The following TMEM108 variants were observed in gnomAD, a reference collection of about 807,000 sequenced individuals.
TMEM108 encodes the protein cancer/testis antigen 124.
A neutral mutation model predicts 35.1 loss-of-function variants in TMEM108; 12 were observed. The observed-to-expected ratio is 0.34, with a 90% confidence interval of 0.22 to 0.55. The LOEUF (loss-of-function observed/expected upper bound fraction) is 0.55, where lower values mean the gene tolerates loss of function less well. TMEM108 is among the 20% of genes least tolerant of loss of function. The pLI is 0.89. For missense variants in TMEM108, 680 were observed against 753.3 expected (o/e 0.90, Z 1.14); for synonymous variants, 287 against 308.6 (o/e 0.93, Z 0.73).
At chr3:133,158,122 G>C (rs1401181998) in intron 2 of TMEM108, among the ~76,000 whole-genome samples, 1 of 152,026 alleles carries the variant, frequency 6.6e-6, no homozygotes, top group East Asian at 1.9e-4. Flanking sequence ...CAAAAAAACA[G>C]AGTTGGGTTC....
chr3:133,293,429 T>C (rs1947100618), intron 3 of TMEM108, among the ~76,000 whole-genome samples: 2 of 150,740 alleles, frequency 1.3e-5, no homozygotes, highest in African/African-American at 4.9e-5. Flanking sequence ...TATGTTAGGC[T>C]TGGGAATTAA....
intron 2 of TMEM108, among the ~76,000 whole-genome samples, chr3:133,120,525 G>A (rs1944339769): frequency 6.6e-6 from 1 of 152,142 alleles, no homozygotes; most frequent in Admixed American, 6.6e-5. Context: ...ATCCTCCTAT[G>A]GTTATTGCTT....
chr3:133,307,768 A>G (rs1029721002), intron 3 of TMEM108, among the ~76,000 whole-genome samples: 3 of 152,094 alleles, frequency 2.0e-5, no homozygotes, highest in Non-Finnish European at 2.9e-5. Flanking sequence ...TGTTTTGGTA[A>G]CTATAGCCTT....
At chr3:133,135,936 C>T (rs986929410) in intron 2 of TMEM108, among the ~76,000 whole-genome samples, 3 of 151,876 alleles carry the variant, frequency 2.0e-5, no homozygotes, top group Admixed American at 1.3e-4. Context: ...ACAAATGGTG[C>T]GTTGGTTTTA....
At position 133,213,041 on chromosome 3, in the gene TMEM108, T is replaced by A. The variant is rs145803350; in HGVS notation, c.-46-16225T>A. Among the ~76,000 whole-genome samples the A allele has an allele frequency of 7.9e-5, 12 of 152,266 alleles. 1 individual carries two copies. The East Asian group carries it at 1.9e-3, about 24-fold the overall frequency. The stretch of plus-strand genomic sequence containing the variant: ...ACCCAAACCCAGCCCTGTGGACACA[T>A]GCATTCATTTGTGACTTATGCTATA... On this transcript the variant is annotated intron_variant, in intron 2 of 5. Coordinates refer to ENST00000321871, the MANE Select transcript of TMEM108 (RefSeq NM_023943.4).
chr3:133,094,065 T>C (rs146270235), intron 2 of TMEM108, among the ~76,000 whole-genome samples: 33 of 152,258 alleles, frequency 2.2e-4, no homozygotes, highest in Non-Finnish European at 4.4e-4. Flanking sequence ...ATAGTAATAT[T>C]ATAGCCAAAG....
At position 133,378,970 on chromosome 3, in the gene TMEM108, G is replaced by A. The variant is rs183296759; in HGVS notation, c.41-782G>A. ...TTTGTAGAAGGCACCTTCTGTTCCA[G>A]GCTGTGCTAAGTGCTTTTATGGGCT... On this transcript the variant is annotated intron_variant, in intron 3 of 5. Coordinates refer to ENST00000321871, the MANE Select transcript of TMEM108 (RefSeq NM_023943.4). Among the ~76,000 whole-genome samples the A allele has an allele frequency of 3.3e-5, 5 of 152,236 alleles. No homozygotes were observed. The East Asian group carries it at 7.7e-4, about 24-fold the overall frequency.
intron 2 of TMEM108, among the ~76,000 whole-genome samples, chr3:133,067,424 C>T (rs190260420): frequency 1.3e-5 from 2 of 152,324 alleles, no homozygotes; most frequent in East Asian, 3.9e-4. Flanking sequence ...CCAGACCTTC[C>T]TTCACAACTT....
chr3:133,348,763 C>T (rs762457740), intron 3 of TMEM108, among the ~76,000 whole-genome samples: 24 of 152,116 alleles, frequency 1.6e-4, no homozygotes, highest in Non-Finnish European at 3.2e-4. Context: ...CCAAGAAATT[C>T]GGGAATGAGA....
chr3:133,331,302 G>A (rs2071390437), intron 3 of TMEM108, among the ~76,000 whole-genome samples: 1 of 152,138 alleles, frequency 6.6e-6, no homozygotes, highest in Non-Finnish European at 1.5e-5. Flanking sequence ...TGTCTTATTT[G>A]TAATGAAAAA....
chr3:133,267,286 A>G (rs1212879711), intron 3 of TMEM108, among the ~76,000 whole-genome samples: 1 of 152,166 alleles, frequency 6.6e-6, no homozygotes, highest in East Asian at 1.9e-4. Context: ...TGTCAGACAT[A>G]TAGATAATAA....
At chr3:133,087,958 G>T (rs6782366) in intron 2 of TMEM108, among the ~76,000 whole-genome samples, 36,214 of 152,100 alleles carry the variant, frequency 0.24, 4,489 homozygotes, top group East Asian at 0.31. Context: ...ACAGAGAGAT[G>T]CAGATGAATA....
At chr3:133,059,991 C>T (rs551415015) in intron 2 of TMEM108, among the ~76,000 whole-genome samples, 4 of 152,300 alleles carry the variant, frequency 2.6e-5, no homozygotes, top group South Asian at 4.1e-4. Context: ...TCCCTAAATA[C>T]GTTAGCATTT....
intron 3 of TMEM108, among the ~76,000 whole-genome samples, chr3:133,278,025 A>G (rs372513479): frequency 3.9e-4 from 59 of 152,332 alleles, no homozygotes; most frequent in African/African-American, 1.3e-3. Flanking sequence ...ATCACTTTGA[A>G]CAAAACTACG....
chr3:133,367,282 G>T (rs2072527336), intron 3 of TMEM108, among the ~76,000 whole-genome samples: 1 of 152,204 alleles, frequency 6.6e-6, no homozygotes. Flanking sequence ...CAAGTGCCTA[G>T]CACATAGTAG....
At chr3:133,239,506 G>A (rs956993618) in intron 3 of TMEM108, among the ~76,000 whole-genome samples, 14 of 152,138 alleles carry the variant, frequency 9.2e-5, no homozygotes, top group Admixed American at 3.9e-4. Flanking sequence ...TGGGGCTGGG[G>A]CATCCAGTGA....
At chr3:133,192,697 C>T (rs1178588055) in intron 2 of TMEM108, 3 of 152,308 alleles carry the variant, frequency 2.0e-5, no homozygotes, top group Non-Finnish European at 4.4e-5. Context: ...GGAGAGAGGA[C>T]ATTTCCTGTG....
intron 3 of TMEM108, chr3:133,303,228 G>A (rs554412804): frequency 2.0e-5 from 3 of 152,204 alleles, no homozygotes; most frequent in African/African-American, 7.2e-5. Context: ...CACTTGTGAT[G>A]TTTTTGAGCA....
At chr3:133,324,038 A>C (rs1275951135) in intron 3 of TMEM108, among the ~76,000 whole-genome samples, 1 of 152,234 alleles carries the variant, frequency 6.6e-6, no homozygotes, top group Non-Finnish European at 1.5e-5. Context: ...AGATAGATCA[A>C]AGACTTAAAT....
Sources: allele counts gnomAD v4.1 joint callset (sites outside exome capture counted in the v4.1 genomes callset), GRCh38; gene constraint gnomAD v4.1.1; transcripts MANE v1.5; gene names NCBI Gene and HGNC (gene_info 2026-07-23, HGNC 2026-07-21).